The following ZMYM2 variants were observed in gnomAD, a reference collection of about 807,000 sequenced individuals.
ZMYM2 encodes zinc finger MYM-type protein 2.
A neutral mutation model predicts 162.8 loss-of-function variants in ZMYM2; 56 were observed. The observed-to-expected ratio is 0.34, with a 90% CI of 0.28 to 0.43. ZMYM2 has a LOEUF of 0.43. ZMYM2 is among the 20% of genes least tolerant of loss of function. The probability of loss-of-function intolerance (pLI) is 1.00; values close to 1 mark genes in which losing one functional copy is unlikely to be tolerated. For missense variants in ZMYM2, 1,275 were observed against 1,621.8 expected, an observed-to-expected ratio of 0.79 and a Z score of 3.67; for synonymous variants, 510 against 541.6, an observed-to-expected ratio of 0.94 and a Z score of 0.81.
intron 2 of ZMYM2, among the ~76,000 whole-genome samples, chr13:19,990,643 A>C (rs925545261): frequency 6.6e-6 from 1 of 152,254 alleles, no homozygotes; most frequent in Admixed American, 6.5e-5. Flanking sequence ...CAAGACGTAC[A>C]GTGAAAAATG....
intron 6 of ZMYM2, among the ~76,000 whole-genome samples, chr13:20,013,021 A>AT (rs1951327823): frequency 1.3e-5 from 2 of 152,250 alleles, no homozygotes; most frequent in Non-Finnish European, 2.9e-5. Context: ...TATAAATTGC[A>AT]TTGAATCTGT....
At chr13:19,939,505 A>C in the ZMYM2 span, among the ~76,000 whole-genome samples, 1 of 152,220 alleles carries the variant, frequency 6.6e-6, no homozygotes, top group Non-Finnish European at 1.5e-5. Flanking sequence ...TTCAACTGTC[A>C]ATAAATGAAA....
intron 21 of ZMYM2, among the ~76,000 whole-genome samples, chr13:20,077,115 G>A (rs1426822333): frequency 6.6e-6 from 1 of 150,692 alleles, no homozygotes; most frequent in African/African-American, 2.5e-5. Flanking sequence ...CAGTGATGAG[G>A]TTGATTCAGG....
intron 5 of ZMYM2, among the ~76,000 whole-genome samples, chr13:20,005,970 CTA>C (rs1325128826): frequency 1.3e-5 from 2 of 152,068 alleles, no homozygotes; most frequent in African/African-American, 4.8e-5. Flanking sequence ...TAGCTCACAC[CTA>C]TATAATCCTA....
At position 20,026,749 on chromosome 13, in the gene ZMYM2, T is replaced by C. The variant is rs1952618431; in HGVS notation, c.1722T>C (p.Tyr574=). The C allele has an allele frequency of 1.9e-6, 3 of 1,592,186 alleles. No homozygotes were observed. Among genetic ancestry groups the C allele is most frequent in the Non-Finnish European group, 2.6e-6 (3 of 1,175,276 alleles). The change falls in exon 8 of 25, where the codon TAT becomes TAC. Residue 574 remains tyrosine, a synonymous_variant. Coordinates refer to ENST00000610343, the MANE Select transcript of ZMYM2 (RefSeq NM_197968.4). ...GTATGAACAGTCACAAGACAAAATA[T>C]GCAAAATCACAAAGTAAGTTTCACA... ...TACMNSHKTK[Y]AKSQSLGIIC...
chr13:20,035,837 A>C (rs1030286757), intron 11 of ZMYM2, among the ~76,000 whole-genome samples: 43 of 152,186 alleles, frequency 2.8e-4, no homozygotes, highest in African/African-American at 9.2e-4. Flanking sequence ...TACGACCATC[A>C]AACTCTAGTT....
chr13:19,984,063 C>T (rs1279900785), intron 2 of ZMYM2, among the ~76,000 whole-genome samples: 8 of 152,118 alleles, frequency 5.3e-5, no homozygotes, highest in African/African-American at 9.7e-5. Flanking sequence ...AATTCTTTAA[C>T]GATACTTAGA....
At chr13:19,874,473 T>G in the ZMYM2 span, among the ~76,000 whole-genome samples, 1 of 152,136 alleles carries the variant, frequency 6.6e-6, no homozygotes, top group South Asian at 2.1e-4. Context: ...GCTCAGGAGA[T>G]CCTCCCACTT....
the ZMYM2 span, among the ~76,000 whole-genome samples, chr13:19,919,962 T>C: frequency 1.3e-5 from 2 of 152,052 alleles, no homozygotes; most frequent in Non-Finnish European, 2.9e-5. Context: ...TGAGAGCCAC[T>C]GCACCTGGCC....
the ZMYM2 span, among the ~76,000 whole-genome samples, chr13:19,947,068 G>A: frequency 6.6e-6 from 1 of 151,232 alleles, no homozygotes; most frequent in Non-Finnish European, 1.5e-5. Flanking sequence ...TTGAGACAGA[G>A]TCTCGCTCTG....
chr13:19,898,389 T>C, the ZMYM2 span, among the ~76,000 whole-genome samples: 1 of 151,848 alleles, frequency 6.6e-6, no homozygotes, highest in Non-Finnish European at 1.5e-5. Flanking sequence ...CCCGCCACCA[T>C]GCCCAGCTAA....
At chr13:20,055,502 G>C (rs1955721304) in intron 14 of ZMYM2, among the ~76,000 whole-genome samples, 1 of 152,102 alleles carries the variant, frequency 6.6e-6, no homozygotes, top group Non-Finnish European at 1.5e-5. Flanking sequence ...GATTTTTGTT[G>C]TTTAGAAGGG....
intron 22 of ZMYM2, 130 bp downstream of exon 22, chr13:20,082,260 A>C (rs1957961644): frequency 1.4e-6 from 1 of 694,458 alleles, no homozygotes; most frequent in South Asian, 1.9e-5. Flanking sequence ...ACTCGAGCTC[A>C]TCTGCCTTTC....
chr13:20,066,101 T>A (rs1956652026), intron 19 of ZMYM2, among the ~76,000 whole-genome samples: 1 of 152,264 alleles, frequency 6.6e-6, no homozygotes, highest in Non-Finnish European at 1.5e-5. Context: ...GAATATTAAT[T>A]GACTGTTGTC....
upstream of ZMYM2, among the ~76,000 whole-genome samples, chr13:19,955,209 A>G (rs1022023794): frequency 3.3e-5 from 5 of 152,030 alleles, no homozygotes; most frequent in African/African-American, 1.2e-4. Context: ...AGAGATATCA[A>G]TATGGTCCTA....
At chr13:20,023,463 T>G (rs537002543) in intron 7 of ZMYM2, among the ~76,000 whole-genome samples, 1 of 152,190 alleles carries the variant, frequency 6.6e-6, no homozygotes, top group Non-Finnish European at 1.5e-5. Flanking sequence ...TCGTGACAGT[T>G]TTGACATTCA....
At chr13:20,084,274 A>G (rs927603209) in intron 24 of ZMYM2, among the ~76,000 whole-genome samples, 1 of 152,170 alleles carries the variant, frequency 6.6e-6, no homozygotes, top group Non-Finnish European at 1.5e-5. Flanking sequence ...CAGCCTCCCA[A>G]AGTGCTGGAA....
At chr13:19,919,081 T>C in the ZMYM2 span, among the ~76,000 whole-genome samples, 1 of 152,182 alleles carries the variant, frequency 6.6e-6, no homozygotes, top group South Asian at 2.1e-4. Flanking sequence ...TTTTGTCATT[T>C]TGAGAATTCT....
chr13:20,085,890 G>T lies in ZMYM2; in HGVS notation c.4010G>T (p.Ser1337Ile), dbSNP rs1958236816. Residue 1337 changes from serine (S) to isoleucine (I), a missense_variant, in exon 25 of 25, where the codon AGC (serine) becomes ATC (isoleucine). By Grantham distance (142) the Ser-to-Ile change is moderately radical (BLOSUM62 -2). This residue lies in a region of ZMYM2 where 69 missense variants were observed against 78.4 expected (regional missense o/e 0.88). Coordinates refer to ENST00000610343, the MANE Select transcript of ZMYM2 (RefSeq NM_197968.4). ...CCAGAATGCTCTAGTTCTACAGATA[G>T]CCCTGTCTGGTATACGTCTACTTCA... ...LQPECSSSTDSPVWYTSTSLD... is the reference protein window; with the variant it reads ...LQPECSSSTDIPVWYTSTSLD... The T allele has an allele frequency of 6.2e-7, 1 of 1,613,680 alleles. No homozygotes were observed. The highest frequency in any genetic ancestry group is 8.5e-7 in the Non-Finnish European group (1 of 1,179,710).
Sources: allele counts gnomAD v4.1 joint callset (sites outside exome capture counted in the v4.1 genomes callset), GRCh38; gene constraint gnomAD v4.1.1; regional missense constraint gnomAD v4.1.1; transcripts MANE v1.5; gene names NCBI Gene and HGNC (gene_info 2026-07-23, HGNC 2026-07-21).